The following FAM120B variants were observed in gnomAD, a reference collection of about 807,000 sequenced individuals.
The protein encoded by FAM120B is constitutive coactivator of peroxisome proliferator-activated receptor gamma.
FAM120B carries 83 observed loss-of-function variants against 96.3 expected under a neutral mutation model. The observed-to-expected ratio is 0.86, with a 90% CI of 0.72 to 1.03. FAM120B has a LOEUF of 1.03. Ranked by LOEUF, FAM120B falls within the 50% of genes least tolerant of loss-of-function variation. FAM120B has a pLI of 0.00. For missense variants in FAM120B, 1,027 were observed against 1,121.2 expected (o/e 0.92, Z 1.20); for synonymous variants, 407 against 402.7 (o/e 1.01, Z -0.13).
chr6:170,307,390 C>T (rs1784358062), intron 1 of FAM120B, among the ~76,000 whole-genome samples: 1 of 152,084 alleles, frequency 6.6e-6, no homozygotes, highest in African/African-American at 2.4e-5. Context: ...TTTGCAGACC[C>T]GTGGGATAAC....
Position 170,395,526 on chromosome 6 carries a change from G to C in FAM120B, c.2639G>C (p.Gly880Ala), listed in dbSNP as rs899645186. ...CAGGGCTCCAGCTACCACAGGACGG[G>C]CTCTGGGTATAGCCGTTCCAGTCAG... ...GRQGSSYHRT[G>A]SGYSRSSQGQ... is the part of the protein sequence containing the mutation. Residue 880 changes from glycine to alanine, a missense_variant, in exon 9 of 11, where the codon GGC becomes GCC. By Grantham distance (60) the Gly-to-Ala change is moderately conservative (BLOSUM62 0). Transcript: ENST00000476287. 9 of 1,600,790 alleles carry C rather than the reference G, an allele frequency of 5.6e-6. No individual in the cohort carries two copies. The African/African-American group carries it at 1.1e-4, about 19-fold the overall frequency.
chr6:170,320,150 C>G (rs1351848843), intron 2 of FAM120B, among the ~76,000 whole-genome samples: 7 of 152,206 alleles, frequency 4.6e-5, no homozygotes, highest in Non-Finnish European at 1.0e-4. Flanking sequence ...TAACCACACA[C>G]CTTTCCTTGT....
intron 6 of FAM120B, among the ~76,000 whole-genome samples, chr6:170,375,529 C>T (rs1789455362): frequency 6.6e-6 from 1 of 152,170 alleles, no homozygotes; most frequent in Admixed American, 6.5e-5. Flanking sequence ...AGCATATTTC[C>T]CTATAAAGAC....
chr6:170,294,127 C>T (rs777666065), upstream of FAM120B, among the ~76,000 whole-genome samples: 1 of 152,180 alleles, frequency 6.6e-6, no homozygotes, highest in Non-Finnish European at 1.5e-5. This position sits in a 1 kb window ranked among gnomAD's most constrained non-coding sequence, Gnocchi z 7.9. Flanking sequence ...ACCCCACAAA[C>T]GCAGGAGGGA....
intron 6 of FAM120B, 25 bp from the exon 7 acceptor site, chr6:170,388,262 T>C (rs575857933): frequency 8.1e-6 from 13 of 1,607,546 alleles, no homozygotes; most frequent in Non-Finnish European, 1.1e-5. Flanking sequence ...TCTTACATTT[T>C]TGGTGTGTGT....
intron 3 of FAM120B, among the ~76,000 whole-genome samples, chr6:170,329,862 G>T (rs186069812): frequency 6.6e-6 from 1 of 152,116 alleles, no homozygotes; most frequent in Non-Finnish European, 1.5e-5. Flanking sequence ...CCTGGACCAA[G>T]CCCACTGCCT....
Position 170,361,240 on chromosome 6 carries a change from G to GTATA in FAM120B, c.2283+2933_2283+2936dup, listed in dbSNP as rs559476953. ...TATATATATATATATATATATACAC[G>GTATA]TATATATATATATACGTGTATATAT... On this transcript the variant is annotated intron_variant, in intron 6 of 10. Transcript: ENST00000476287. Among the ~76,000 whole-genome samples the GTATA allele has an allele frequency of 1.4e-3, 59 of 42,588 alleles. 1 individual carries two copies. Among genetic ancestry groups the GTATA allele is most frequent in the African/African-American group, 3.8e-3 (48 of 12,678 alleles). 27.9% of individuals were successfully genotyped at this position (42,588 alleles called of 152,430 possible).
intron 4 of FAM120B, among the ~76,000 whole-genome samples, chr6:170,340,691 T>C (rs112829121): frequency 5.3e-5 from 8 of 152,336 alleles, no homozygotes; most frequent in African/African-American, 1.9e-4. Flanking sequence ...GGTGTCCTTT[T>C]TGTTAATGTT....
chr6:170,388,384 G>A lies in FAM120B; in HGVS notation c.2381G>A (p.Trp794Ter), dbSNP rs561555223. Residue 794 changes from tryptophan (W) to a stop codon, truncating the protein, a stop_gained, in exon 7 of 11, where the codon TGG becomes TAG. Transcript: ENST00000476287. LOFTEE classifies it high-confidence loss of function. ...GTCAACAGCGCATGTGGCTTCCCCT[G>A]GAAGACGAGTGATTTCATGCCCTGG... Reference protein sequence around the residue: ...VLVNSACGFPWKTSDFMPWNV... With the variant: ...VLVNSACGFP 1.2e-6 allele frequency: 2 copies of A among 1,614,132 alleles called. No homozygotes were observed. The highest frequency in any genetic ancestry group is 2.2e-5 in the East Asian group (1 of 44,882).
intron 6 of FAM120B, among the ~76,000 whole-genome samples, chr6:170,383,770 A>T (rs1283950474): frequency 6.9e-6 from 1 of 144,900 alleles, no homozygotes; most frequent in Non-Finnish European, 1.5e-5. Context: ...CATCTGAACT[A>T]GCAATCACAT....
intron 4 of FAM120B, among the ~76,000 whole-genome samples, chr6:170,340,156 A>G (rs1335178005): frequency 6.6e-6 from 1 of 152,132 alleles, no homozygotes; most frequent in Non-Finnish European, 1.5e-5. Context: ...CTTTTCACAT[A>G]GTCCCATATT....
At chr6:170,342,898 A>T (rs373641527) in intron 4 of FAM120B, among the ~76,000 whole-genome samples, 1 of 152,206 alleles carries the variant, frequency 6.6e-6, no homozygotes, top group Non-Finnish European at 1.5e-5. Context: ...GCAAAGTCTT[A>T]TCTTTATTCA....
intron 4 of FAM120B, among the ~76,000 whole-genome samples, chr6:170,347,414 G>C (rs1787262380): frequency 6.6e-6 from 1 of 152,240 alleles, no homozygotes; most frequent in South Asian, 2.1e-4. Context: ...AACTCAGTGT[G>C]AGTCGTCATC....
At chr6:170,342,081 G>C (rs1786877151) in intron 4 of FAM120B, among the ~76,000 whole-genome samples, 1 of 152,216 alleles carries the variant, frequency 6.6e-6, no homozygotes, top group South Asian at 2.1e-4. Flanking sequence ...TCCAGTGTTT[G>C]AGGGCAGGAA....
At chr6:170,320,013 A>C (rs1162878526) in intron 2 of FAM120B, among the ~76,000 whole-genome samples, 1 of 152,182 alleles carries the variant, frequency 6.6e-6, no homozygotes, top group Non-Finnish European at 1.5e-5. Context: ...GCATTAGGTA[A>C]CTTTTCTCAT....
intron 6 of FAM120B, among the ~76,000 whole-genome samples, chr6:170,367,291 A>AC (rs1396318246): frequency 1.3e-5 from 2 of 152,276 alleles, no homozygotes; most frequent in African/African-American, 4.8e-5. Flanking sequence ...CGCCACCAGC[A>AC]TGTAGTGAAG....
At chr6:170,300,571 CA>C (rs889256722) in intron 1 of FAM120B, among the ~76,000 whole-genome samples, 30 of 152,170 alleles carry the variant, frequency 2.0e-4, no homozygotes, top group African/African-American at 7.0e-4. Flanking sequence ...AGCATTAGCT[CA>C]AAAGTCCAAG....
At chr6:170,403,315 G>C (rs1336244129) in intron 9 of FAM120B, among the ~76,000 whole-genome samples, 3 of 152,160 alleles carry the variant, frequency 2.0e-5, no homozygotes, top group Admixed American at 6.5e-5. Context: ...ATTACTGTGA[G>C]GGAGTTTGGG....
At chr6:170,372,370 G>A (rs984922766) in intron 6 of FAM120B, among the ~76,000 whole-genome samples, 3 of 120,974 alleles carry the variant, frequency 2.5e-5, no homozygotes, top group Admixed American at 1.2e-4. Context: ...TAATGAAAGC[G>A]GTTTGACTAA....
Sources: allele counts gnomAD v4.1 joint callset (sites outside exome capture counted in the v4.1 genomes callset), GRCh38; gene constraint gnomAD v4.1.1; non-coding constraint Gnocchi (gnomAD v3.1); transcripts MANE v1.5; gene names NCBI Gene and HGNC (gene_info 2026-07-23, HGNC 2026-07-21).